THRB: variants seen among roughly 807,000 people sequenced by gnomAD.
THRB encodes nuclear receptor subfamily 1 group A member 2.
Under a neutral mutation model 47.8 loss-of-function variants are expected in THRB, and 12 were observed. The ratio of observed to expected loss-of-function variants is 0.25; its 90% CI spans 0.16 to 0.41. The LOEUF (loss-of-function observed/expected upper bound fraction) is 0.41, where lower values mean the gene tolerates loss of function less well. Among genes scored for constraint, THRB ranks in the 10% least tolerant of loss-of-function variants. The probability of loss-of-function intolerance (pLI) is 1.00; values close to 1 mark genes in which losing one functional copy is unlikely to be tolerated. For missense variants in THRB, 348 were observed against 589.2 expected (o/e 0.59, Z 4.24); for synonymous variants, 218 against 212.2 (o/e 1.03, Z -0.24).
chr3:24,160,496 CT>C (rs1281513192), intron 5 of THRB, among the ~76,000 whole-genome samples: 1 of 152,132 alleles, frequency 6.6e-6, no homozygotes, highest in East Asian at 1.9e-4. Flanking sequence ...TGTGGGGTGA[CT>C]GCTCAAAAGC....
Position 24,133,427 on chromosome 3 carries a change from G to T in THRB, c.774C>A (p.Ala258=). Residue 258 remains alanine, a synonymous_variant, in exon 9 of 11, where the codon GCC becomes GCA. Coordinates refer to ENST00000646209, the MANE Select transcript of THRB (RefSeq NM_001354712.2). ...EDIGQAPIVN[A]PEGGKVDLEA... is the part of the protein sequence containing the mutation. ...CCAAGTCAACCTTTCCACCTTCTGGGGCATTGACTATTGGTGCTTGTCCAA... is the reference window on the plus strand; with the variant it reads ...CCAAGTCAACCTTTCCACCTTCTGGTGCATTGACTATTGGTGCTTGTCCAA... 4 of 1,614,060 alleles carry T rather than the reference G, an allele frequency of 2.5e-6. No individual in the cohort carries two copies. The highest frequency in any genetic ancestry group is 3.4e-6 in the Non-Finnish European group (4 of 1,179,982).
At chr3:24,381,480 C>G (rs1292446786) in intron 1 of THRB, among the ~76,000 whole-genome samples, 1 of 152,108 alleles carries the variant, frequency 6.6e-6, no homozygotes, top group Non-Finnish European at 1.5e-5. Flanking sequence ...CATTGACCCA[C>G]CTAAGGTGAG....
At chr3:24,204,370 A>G (rs1422408562) in intron 4 of THRB, among the ~76,000 whole-genome samples, 1 of 152,234 alleles carries the variant, frequency 6.6e-6, no homozygotes. Context: ...TGCAGCCTTC[A>G]CTGCTGATAC....
intron 1 of THRB, among the ~76,000 whole-genome samples, chr3:24,401,124 A>T (rs28464948): frequency 0.11 from 16,526 of 152,028 alleles, 1,919 homozygotes; most frequent in African/African-American, 0.29. Context: ...AAAAAAGTCC[A>T]TCCCTTTTAT....
intron 1 of THRB, among the ~76,000 whole-genome samples, chr3:24,402,698 C>A (rs1378274802): frequency 6.6e-6 from 1 of 151,924 alleles, no homozygotes; most frequent in African/African-American, 2.4e-5. Context: ...AATTACCTAT[C>A]ATTAAACATC....
intron 1 of THRB, among the ~76,000 whole-genome samples, chr3:24,447,569 T>C (rs1334121135): frequency 6.6e-6 from 1 of 152,132 alleles, no homozygotes; most frequent in African/African-American, 2.4e-5. Context: ...TTATTTCTAT[T>C]TATCCTGTAT....
intron 2 of THRB, among the ~76,000 whole-genome samples, chr3:24,317,048 T>G (rs1468652420): frequency 6.6e-6 from 1 of 152,196 alleles, no homozygotes; most frequent in East Asian, 1.9e-4. Context: ...GGGGCAAAGG[T>G]GTCACTGACT....
chr3:24,459,784 C>A (rs1390765886), intron 1 of THRB, among the ~76,000 whole-genome samples: 1 of 152,012 alleles, frequency 6.6e-6, no homozygotes, highest in Non-Finnish European at 1.5e-5. Flanking sequence ...CTGTTCAGAT[C>A]CTTTGCCTAC....
intron 9 of THRB, 143 bp downstream of exon 9, chr3:24,133,173 T>A (rs186658228): frequency 2.4e-6 from 2 of 816,442 alleles, no homozygotes; most frequent in Non-Finnish European, 4.0e-6. Flanking sequence ...TGAAATAGAA[T>A]GCATTTTCGT....
chr3:24,422,170 G>T (rs1263600212), intron 1 of THRB, among the ~76,000 whole-genome samples: 1 of 151,926 alleles, frequency 6.6e-6, no homozygotes, highest in African/African-American at 2.4e-5. Flanking sequence ...TGAGGAGCTT[G>T]GGAAAAATGT....
intron 3 of THRB, among the ~76,000 whole-genome samples, chr3:24,244,177 C>T (rs1206697454): frequency 2.6e-5 from 4 of 151,940 alleles, no homozygotes; most frequent in Non-Finnish European, 5.9e-5. Flanking sequence ...ACTGTGGTGA[C>T]GGCAGTATAT....
At chr3:24,191,163 T>G (rs918575723) in intron 4 of THRB, among the ~76,000 whole-genome samples, 8 of 151,852 alleles carry the variant, frequency 5.3e-5, no homozygotes, top group African/African-American at 1.9e-4. Context: ...GATGAAAAAT[T>G]TCTGACACTA....
intron 5 of THRB, among the ~76,000 whole-genome samples, chr3:24,162,671 T>C (rs1204815362): frequency 7.1e-6 from 1 of 140,592 alleles, no homozygotes; most frequent in Non-Finnish European, 1.5e-5. Context: ...TAACTTATTC[T>C]GTCGGCTATG....
At chr3:24,132,513 T>C (rs1315038282) in intron 9 of THRB, among the ~76,000 whole-genome samples, 1 of 152,226 alleles carries the variant, frequency 6.6e-6, no homozygotes, top group Non-Finnish European at 1.5e-5. Context: ...GAGGTAGACA[T>C]TATTGTAATC....
intron 3 of THRB, among the ~76,000 whole-genome samples, chr3:24,233,800 G>A (rs979742784): frequency 3.3e-5 from 5 of 152,312 alleles, no homozygotes; most frequent in Admixed American, 2.0e-4. Flanking sequence ...AAGCTGTCAC[G>A]TGGAACAGAG....
intron 1 of THRB, among the ~76,000 whole-genome samples, chr3:24,433,899 G>C (rs192178981): frequency 1.0e-3 from 152 of 152,276 alleles, no homozygotes; most frequent in Non-Finnish European, 1.8e-3. Flanking sequence ...TGAGGGTCCT[G>C]ACAGCTGCTC....
At chr3:24,269,390 C>T (rs993857676) in intron 3 of THRB, among the ~76,000 whole-genome samples, 41 of 36,132 alleles carry the variant, frequency 1.1e-3, no homozygotes, top group South Asian at 1.9e-3. Flanking sequence ...AGCTCACACG[C>T]GCGCGCGCGC....
chr3:24,334,146 G>T (rs2062093196), intron 2 of THRB, among the ~76,000 whole-genome samples: 1 of 152,162 alleles, frequency 6.6e-6, no homozygotes, highest in Admixed American at 6.5e-5. Context: ...TTCAGGGCAA[G>T]GAAAGTGCTT....
rs148924426 is a variant in THRB, at chr3:24,362,020, T to C, written c.-260-24649A>G. ...TTGATGATGTTACTTTTACCACCAA[T>C]AATAATAGCAGTTATCAATTACCGA... On this transcript the variant is annotated intron_variant, in intron 1 of 10. Coordinates refer to ENST00000646209, the MANE Select transcript of THRB (RefSeq NM_001354712.2). Among the ~76,000 whole-genome samples, 36 of 152,220 alleles carry C rather than the reference T, an allele frequency of 2.4e-4. No individual in the cohort carries two copies. The East Asian group carries it at 6.4e-3, about 27-fold the overall frequency.
Sources: gnomAD v4.1 joint callset for allele counts (sites outside exome capture counted in the v4.1 genomes callset) on GRCh38, gnomAD v4.1.1 for gene constraint, MANE v1.5 for transcripts, NCBI Gene and HGNC (gene_info 2026-07-23, HGNC 2026-07-21) for gene names.